NEGR1: variants seen among roughly 807,000 people sequenced by gnomAD.
The protein encoded by NEGR1 is IgLON family member 4.
Under a neutral mutation model 40.9 loss-of-function variants are expected in NEGR1, and 10 were observed. The ratio of observed to expected loss-of-function variants is 0.24; its 90% confidence interval spans 0.15 to 0.42. The LOEUF (loss-of-function observed/expected upper bound fraction) is 0.42, where lower values mean the gene tolerates loss of function less well. Among genes scored for constraint, NEGR1 ranks in the 10% least tolerant of loss-of-function variants. The probability of loss-of-function intolerance (pLI) is 1.00; values close to 1 mark genes in which losing one functional copy is unlikely to be tolerated. For synonymous variants in NEGR1, 185 were observed against 166.8 expected, an observed-to-expected ratio of 1.11 and a Z score of -0.84; for missense variants, 352 against 438.9, an observed-to-expected ratio of 0.80 and a Z score of 1.77.
intron 3 of NEGR1, among the ~76,000 whole-genome samples, chr1:71,773,745 A>G (rs1027447503): frequency 6.6e-6 from 1 of 152,192 alleles, no homozygotes; most frequent in Non-Finnish European, 1.5e-5. Flanking sequence ...TCATTTGCTC[A>G]GTATGGCAGA....
At chr1:71,936,553 G>GT (rs2100234086) in intron 1 of NEGR1, among the ~76,000 whole-genome samples, 1 of 152,294 alleles carries the variant, frequency 6.6e-6, no homozygotes, top group East Asian at 1.9e-4. Flanking sequence ...GATAAGTATT[G>GT]TAAGATATGG....
intron 3 of NEGR1, among the ~76,000 whole-genome samples, chr1:71,761,829 A>G (rs915261355): frequency 1.3e-5 from 2 of 152,158 alleles, no homozygotes; most frequent in African/African-American, 4.8e-5. Flanking sequence ...CTAAATAGAA[A>G]TAAAACAATA....
intron 4 of NEGR1, among the ~76,000 whole-genome samples, chr1:71,688,434 G>GATATATATAAAAGATAT (rs1653134147): frequency 3.4e-4 from 5 of 14,642 alleles, no homozygotes; most frequent in Non-Finnish European, 7.8e-4. Flanking sequence ...ATATATAAAA[G>GATATATATAAAAGATAT]ATATATATAT....
At chr1:72,177,672 G>A (rs1352369543) in intron 1 of NEGR1, among the ~76,000 whole-genome samples, 1 of 151,668 alleles carries the variant, frequency 6.6e-6, no homozygotes, top group African/African-American at 2.4e-5. Context: ...CCATTTAAAT[G>A]TAATTGTAGA....
chr1:72,191,022 A>G (rs537898131), intron 1 of NEGR1, among the ~76,000 whole-genome samples: 2 of 151,490 alleles, frequency 1.3e-5, no homozygotes, highest in East Asian at 3.9e-4. Context: ...GCTTAATTTT[A>G]TAGTTTTTTT....
intron 1 of NEGR1, among the ~76,000 whole-genome samples, chr1:71,951,398 C>T (rs1457502406): frequency 2.0e-5 from 3 of 151,710 alleles, no homozygotes; most frequent in African/African-American, 4.8e-5. Flanking sequence ...TAATTAAACT[C>T]GAGTTTTGTA....
chr1:71,448,984 G>C (rs1409247116), intron 6 of NEGR1, among the ~76,000 whole-genome samples: 1 of 152,126 alleles, frequency 6.6e-6, no homozygotes, highest in African/African-American at 2.4e-5. Context: ...TGTCAAAGAG[G>C]AACCCGAGGC....
chr1:71,915,035 GT>G (rs1374136539), intron 2 of NEGR1, among the ~76,000 whole-genome samples: 1 of 151,874 alleles, frequency 6.6e-6, no homozygotes, highest in African/African-American at 2.4e-5. Context: ...GAAACCAAAA[GT>G]TTTTTCCAAT....
chr1:71,824,896 A>G (rs1216890695), intron 2 of NEGR1, among the ~76,000 whole-genome samples: 1 of 151,888 alleles, frequency 6.6e-6, no homozygotes, highest in Non-Finnish European at 1.5e-5. Context: ...TTACCCATCT[A>G]TTCTCTTATT....
At chr1:71,607,023 T>C (rs1372582052) in intron 5 of NEGR1, among the ~76,000 whole-genome samples, 1 of 152,214 alleles carries the variant, frequency 6.6e-6, no homozygotes, top group Non-Finnish European at 1.5e-5. Context: ...AACATTCTCT[T>C]ACATAGAAGT....
intron 6 of NEGR1, among the ~76,000 whole-genome samples, chr1:71,451,333 A>AT (rs35201330): frequency 0.83 from 114,398 of 138,404 alleles, 47,689 homozygotes; most frequent in East Asian, 0.98. Context: ...AGTGCTACAG[A>AT]TTTTTTTTTT....
chr1:71,524,338 G>GTGTA (rs1647192267), intron 6 of NEGR1, among the ~76,000 whole-genome samples: 1 of 151,070 alleles, frequency 6.6e-6, no homozygotes, highest in East Asian at 2.0e-4. Context: ...GTGTGTGTGT[G>GTGTA]TGTGTGTGTG....
chr1:71,400,580 T>G lies in NEGR1; in HGVS notation c.*6866A>C, dbSNP rs901831895. 2 of 152,114 alleles carry G rather than the reference T, an allele frequency of 1.3e-5. No homozygotes were observed. The highest frequency in any genetic ancestry group is 4.8e-5 in the African/African-American group (2 of 41,414). The allele number at this position is 152,114 out of a possible 1,614,324, so 9.4% of individuals were successfully genotyped here. On this transcript the variant is annotated 3_prime_UTR_variant, in exon 7 of 7. Transcript: ENST00000357731. ...CTTTCACATGTCCTAGACTATTGGATTATGGTTTGTGAGATAAGGAAGAAA... is the reference window on the plus strand; with the variant it reads ...CTTTCACATGTCCTAGACTATTGGAGTATGGTTTGTGAGATAAGGAAGAAA...
At chr1:72,165,510 G>A (rs1651733495) in intron 1 of NEGR1, among the ~76,000 whole-genome samples, 1 of 152,008 alleles carries the variant, frequency 6.6e-6, no homozygotes, top group Non-Finnish European at 1.5e-5. Context: ...AGAGGATGAA[G>A]CATTACAAAT....
At chr1:72,281,650 G>T (rs926705810) in intron 1 of NEGR1, among the ~76,000 whole-genome samples, 2 of 151,954 alleles carry the variant, frequency 1.3e-5, no homozygotes, top group African/African-American at 4.8e-5. Flanking sequence ...GGGATTAAAT[G>T]TGAGGAACAG....
chr1:71,810,696 G>A (rs950400217), intron 2 of NEGR1, among the ~76,000 whole-genome samples: 2 of 152,054 alleles, frequency 1.3e-5, no homozygotes, highest in African/African-American at 2.4e-5. Context: ...ATGATACTCA[G>A]TGAGTACTCA....
At position 71,683,011 on chromosome 1, in the gene NEGR1, A is replaced by C. The variant is rs1175597732; in HGVS notation, c.667+14997T>G. ...AGCCTGCAGAATCATGAGCCAAATAAACTTTTTTTCTTTCTTTATAAATTA... is the reference window on the plus strand; with the variant it reads ...AGCCTGCAGAATCATGAGCCAAATACACTTTTTTTCTTTCTTTATAAATTA... On this transcript the variant is annotated intron_variant, in intron 4 of 6. Coordinates refer to ENST00000357731, the MANE Select transcript of NEGR1 (RefSeq NM_173808.3). Among the ~76,000 whole-genome samples, 5 of 4,924 alleles carry C rather than the reference A, an allele frequency of 1.0e-3. No individual in the cohort carries two copies. In the Admixed American group the frequency reaches 0.018, roughly 17 times the overall value. The allele number at this position is 4,924 out of a possible 152,430, so 3.2% of individuals were successfully genotyped here.
At chr1:71,877,866 C>T (rs918883411) in intron 2 of NEGR1, among the ~76,000 whole-genome samples, 3 of 152,084 alleles carry the variant, frequency 2.0e-5, no homozygotes, top group Non-Finnish European at 2.9e-5. Context: ...GGTCTGAATG[C>T]TTAGTCCTTG....
rs182689535 is a variant in NEGR1 at position 71,943,615 on chromosome 1, T to A, written c.177-8304A>T. On this transcript the variant is annotated intron_variant, in intron 1 of 6. Transcript: ENST00000357731. ...CATTATTTGTAAATAATTTAACATA[T>A]AAATTAGCATTTATGAAGTAAAATA... is the stretch of plus-strand genomic sequence containing the variant. Among the ~76,000 whole-genome samples the A allele has an allele frequency of 3.6e-3, 554 of 152,226 alleles. 8 individuals are homozygous for A. The highest frequency in any genetic ancestry group is 6.5e-3 in the Admixed American group (99 of 15,300).
Sources: allele counts gnomAD v4.1 joint callset (sites outside exome capture counted in the v4.1 genomes callset), GRCh38; gene constraint gnomAD v4.1.1; transcripts MANE v1.5; gene names NCBI Gene and HGNC (gene_info 2026-07-23, HGNC 2026-07-21).